ABCC5: variants seen among roughly 807,000 people sequenced by gnomAD.
ABCC5 encodes ATP-binding cassette sub-family C member 5.
ABCC5 carries 61 observed loss-of-function variants against 160.9 expected under a neutral mutation model. The observed-to-expected ratio is 0.38, with a 90% CI of 0.31 to 0.47. ABCC5 has a LOEUF of 0.47. Among genes scored for constraint, ABCC5 ranks in the 20% least tolerant of loss-of-function variants. The pLI, the probability that ABCC5 is intolerant of heterozygous loss-of-function variation, is 0.99. For missense variants in ABCC5, 1,308 were observed against 1,813.3 expected, an observed-to-expected ratio of 0.72 and a Z score of 5.06; for synonymous variants, 666 against 700.6, an observed-to-expected ratio of 0.95 and a Z score of 0.78.
rs545390215 is a variant in ABCC5, at chr3:184,001,889, C to T, written c.129+12375G>A. Among the ~76,000 whole-genome samples, 4 of 152,260 alleles carry T rather than the reference C, an allele frequency of 2.6e-5. No individual in the cohort carries two copies. The South Asian group carries it at 6.2e-4, about 24-fold the overall frequency. On this transcript the variant is annotated intron_variant, in intron 2 of 29. Transcript: ENST00000334444. ...TGAAAGGCTGTCAGTGGCCAGACGA[C>T]CCAGCCACACAGAAAGGCACCCACA... is the stretch of plus-strand genomic sequence containing the variant.
intron 5 of ABCC5, chr3:183,984,967 G>A: frequency 7.7e-7 from 1 of 1,304,146 alleles, no homozygotes; most frequent in Non-Finnish European, 1.1e-6. Context: ...TTCAGCACTG[G>A]GTAATAGCAT....
At chr3:183,968,309 C>T (rs1278478555) in intron 11 of ABCC5, among the ~76,000 whole-genome samples, 1 of 151,974 alleles carries the variant, frequency 6.6e-6, no homozygotes, top group Non-Finnish European at 1.5e-5. Context: ...AGGGTTTCGC[C>T]ATGTTGGTCA....
chr3:183,972,311 C>T (rs141436250), intron 10 of ABCC5, among the ~76,000 whole-genome samples: 31 of 152,340 alleles, frequency 2.0e-4, no homozygotes, highest in African/African-American at 6.3e-4. Context: ...ATGCTCACTA[C>T]GTGTTTTCCT....
At chr3:184,001,754 G>C (rs1292264218) in intron 2 of ABCC5, among the ~76,000 whole-genome samples, 1 of 152,138 alleles carries the variant, frequency 6.6e-6, no homozygotes, top group African/African-American at 2.4e-5. Flanking sequence ...TATTTTATGA[G>C]GCCATTTGTT....
chr3:183,930,124 G>T (rs911328194), intron 26 of ABCC5, among the ~76,000 whole-genome samples: 2 of 152,226 alleles, frequency 1.3e-5, no homozygotes, highest in Non-Finnish European at 2.9e-5. Flanking sequence ...TGGCATGTGG[G>T]AAACAGGAAA....
At chr3:183,996,442 G>A (rs1400350288) in intron 2 of ABCC5, among the ~76,000 whole-genome samples, 2 of 152,122 alleles carry the variant, frequency 1.3e-5, no homozygotes, top group African/African-American at 4.8e-5. Flanking sequence ...TCCTCTGATT[G>A]CATGGTTTTT....
chr3:183,941,638 G>A (rs1039677187), intron 25 of ABCC5, among the ~76,000 whole-genome samples: 1 of 151,728 alleles, frequency 6.6e-6, no homozygotes, highest in Admixed American at 6.6e-5. Context: ...AGGATAAAAA[G>A]GACAGTAAAA....
intron 2 of ABCC5, chr3:184,001,370 C>T (rs1030730891): frequency 1.7e-5 from 7 of 420,874 alleles, no homozygotes; most frequent in African/African-American, 6.1e-5. Context: ...ATTTTACAAA[C>T]GAGGTATTTC....
At chr3:184,007,213 G>A (rs1721294971) in intron 2 of ABCC5, among the ~76,000 whole-genome samples, 1 of 151,110 alleles carries the variant, frequency 6.6e-6, no homozygotes, top group Admixed American at 6.6e-5. Flanking sequence ...GTAGAGGCAG[G>A]GTTTCACCAT....
Position 183,988,767 on chromosome 3 carries a change from C to A in ABCC5, c.288-40G>T. 1.2e-6 allele frequency: 2 copies of A among 1,600,350 alleles called. No individual in the cohort carries two copies. The highest frequency in any genetic ancestry group is 1.7e-6 in the Non-Finnish European group (2 of 1,173,846). ...CCGAAATCACAAAGCTATCAACACGCACGGAGAGGGCAGCCCGTGTTTAAT... is the reference window on the plus strand; with the variant it reads ...CCGAAATCACAAAGCTATCAACACGAACGGAGAGGGCAGCCCGTGTTTAAT... On this transcript the variant is annotated intron_variant, in intron 3 of 29. Coordinates refer to ENST00000334444, the MANE Select transcript of ABCC5 (RefSeq NM_005688.4). This position sits in a 1 kb window ranked among gnomAD's most constrained non-coding sequence, Gnocchi z 4.4.
At chr3:184,012,041 A>T (rs1486536430) in intron 2 of ABCC5, among the ~76,000 whole-genome samples, 1 of 150,954 alleles carries the variant, frequency 6.6e-6, no homozygotes, top group Non-Finnish European at 1.5e-5. Flanking sequence ...ACACACACAC[A>T]CACACAAATG....
At chr3:183,972,422 C>T (rs1056111956) in intron 10 of ABCC5, among the ~76,000 whole-genome samples, 8 of 152,134 alleles carry the variant, frequency 5.3e-5, no homozygotes, top group Non-Finnish European at 8.8e-5. Flanking sequence ...ACATTGCTAC[C>T]GTCAGAAAAG....
chr3:183,968,065 TCTTCATTTA>T (rs2108829524), intron 11 of ABCC5, among the ~76,000 whole-genome samples: 1 of 152,282 alleles, frequency 6.6e-6, no homozygotes, highest in African/African-American at 2.4e-5. Flanking sequence ...TAACCCATGT[TCTTCATTTA>T]CTTGTTTTTG....
intron 25 of ABCC5, among the ~76,000 whole-genome samples, chr3:183,940,824 T>C (rs1384493409): frequency 1.3e-5 from 2 of 152,062 alleles, no homozygotes; most frequent in Non-Finnish European, 2.9e-5. Flanking sequence ...GAAGAAGCCC[T>C]ATTAGAACCG....
intron 10 of ABCC5, among the ~76,000 whole-genome samples, chr3:183,973,714 G>T (rs1272400290): frequency 6.6e-6 from 1 of 152,106 alleles, no homozygotes; most frequent in Non-Finnish European, 1.5e-5. Flanking sequence ...AGTAACCTTA[G>T]GTGTGGCCCC....
rs547799894 is a variant in ABCC5 at position 183,973,377 on chromosome 3, A to G, written c.1405-1458T>C. Among the ~76,000 whole-genome samples, 3 of 152,192 alleles carry G rather than the reference A, an allele frequency of 2.0e-5. No homozygotes were observed. In the East Asian group the frequency reaches 5.8e-4, roughly 29 times the overall value. The stretch of plus-strand genomic sequence containing the variant: ...TCCTCTTAAGCCAGTGATCTTCTCT[A>G]CAGAATGCTATACCAGTTGGATTCA... On this transcript the variant is annotated intron_variant, in intron 10 of 29. Coordinates refer to ENST00000334444, the MANE Select transcript of ABCC5 (RefSeq NM_005688.4).
intron 5 of ABCC5, chr3:183,984,465 G>A: frequency 6.7e-6 from 7 of 1,040,166 alleles, no homozygotes; most frequent in Non-Finnish European, 8.1e-6. Flanking sequence ...CCACGGTCTG[G>A]AGGTAGCTAC....
Position 184,017,021 on chromosome 3 carries a change from C to T in ABCC5, c.-56+809G>A, listed in dbSNP as rs1722246520. ...ACGTATTTACCACACCCACTGTAAT[C>T]CACTTGTTGCGTCTCCAAGCAGCCT... On this transcript the variant is annotated intron_variant, in intron 1 of 29. Coordinates refer to ENST00000334444, the MANE Select transcript of ABCC5 (RefSeq NM_005688.4). The surrounding 1 kb of genome is among the most constrained non-coding windows in gnomAD (Gnocchi z 4.5). 6.6e-6 allele frequency among the ~76,000 whole-genome samples: 1 copy of T among 152,214 alleles called. No individual in the cohort carries two copies. Among genetic ancestry groups the T allele is most frequent in the African/African-American group, 2.4e-5 (1 of 41,454 alleles).
intron 14 of ABCC5, among the ~76,000 whole-genome samples, chr3:183,964,263 C>T (rs1413659240): frequency 6.6e-6 from 1 of 152,220 alleles, no homozygotes; most frequent in Non-Finnish European, 1.5e-5. Flanking sequence ...CTTAACTGTA[C>T]ACTTCTTTAC....
Sources: gnomAD v4.1 joint callset for allele counts (sites outside exome capture counted in the v4.1 genomes callset) on GRCh38, gnomAD v4.1.1 for gene constraint, Gnocchi (gnomAD v3.1) non-coding constraint, MANE v1.5 for transcripts, NCBI Gene and HGNC (gene_info 2026-07-23, HGNC 2026-07-21) for gene names.